KCND2: variants seen among roughly 807,000 people sequenced by gnomAD.
KCND2 encodes the protein potassium voltage-gated channel subfamily D member 2.
In KCND2, 16 loss-of-function variants were observed where a neutral mutation model predicts 54.4. The observed-to-expected ratio is 0.29, with a 90% CI of 0.20 to 0.45. KCND2 has a LOEUF of 0.45. KCND2 is among the 20% of genes least tolerant of loss of function. The pLI is 1.00. For synonymous variants in KCND2, 317 were observed against 310.7 expected (o/e 1.02, Z -0.21); for missense variants, 486 against 824.2 (o/e 0.59, Z 5.02).
chr7:120,635,900 T>A (rs1793298735), intron 1 of KCND2, among the ~76,000 whole-genome samples: 1 of 152,150 alleles, frequency 6.6e-6, no homozygotes, highest in Non-Finnish European at 1.5e-5. Flanking sequence ...TTCAAAACAT[T>A]TAAAACAATG....
chr7:120,540,814 T>TA (rs61191128), intron 1 of KCND2, among the ~76,000 whole-genome samples: 3,424 of 148,226 alleles, frequency 0.023, 128 homozygotes, highest in African/African-American at 0.083. Context: ...TCACTCTCTA[T>TA]AAAAAAAAAT....
chr7:120,621,534 A>G (rs1793098999), intron 1 of KCND2, among the ~76,000 whole-genome samples: 1 of 152,116 alleles, frequency 6.6e-6, no homozygotes, highest in Admixed American at 6.6e-5. Flanking sequence ...ATGGGAGCAA[A>G]ATTAAACAAT....
At position 120,712,241 on chromosome 7, in the gene KCND2, A is replaced by ATTTTTTTTTTTTT. The variant is rs869059871; in HGVS notation, c.1116-20634_1116-20622dup. ...TTTTCTTTGAATTTTGGATATCTGAATTTTTTTTTTTTTTTTTTTTTTTTT... is the reference window on the plus strand; with the variant it reads ...TTTTCTTTGAATTTTGGATATCTGAATTTTTTTTTTTTTTTTTTTTTTTTTTTTTTTTTTTTTT... On this transcript the variant is annotated intron_variant, in intron 1 of 5. Transcript: ENST00000331113. Among the ~76,000 whole-genome samples, 18 of 34,784 alleles carry ATTTTTTTTTTTTT rather than the reference A, an allele frequency of 5.2e-4. 6 individuals carry two copies. The highest frequency in any genetic ancestry group is 8.4e-4 in the Non-Finnish European group (16 of 18,962). The allele number at this position is 34,784 out of a possible 152,430, so 22.8% of individuals were successfully genotyped here. A position where few individuals can be genotyped will look rare whatever the true frequency, so the allele number is the denominator to read the frequency against.
intron 1 of KCND2, among the ~76,000 whole-genome samples, chr7:120,376,401 C>A (rs951805890): frequency 6.6e-6 from 1 of 151,378 alleles, no homozygotes; most frequent in East Asian, 2.0e-4. Context: ...TATTTAAAAA[C>A]CTCAAATATG....
At chr7:120,428,795 CA>C (rs1489378772) in intron 1 of KCND2, among the ~76,000 whole-genome samples, 1 of 152,146 alleles carries the variant, frequency 6.6e-6, no homozygotes, top group Non-Finnish European at 1.5e-5. Flanking sequence ...TATAGATTTT[CA>C]ATCAAAAGAA....
intron 1 of KCND2, among the ~76,000 whole-genome samples, chr7:120,711,616 G>A (rs111382297): frequency 8.4e-4 from 128 of 152,278 alleles, no homozygotes; most frequent in African/African-American, 2.8e-3. Flanking sequence ...ACCCGTTCTT[G>A]TAATTGAAGA....
At chr7:120,278,841 T>TA (rs1160617061) in intron 1 of KCND2, among the ~76,000 whole-genome samples, 6 of 151,720 alleles carry the variant, frequency 4.0e-5, no homozygotes, top group East Asian at 1.9e-4. Flanking sequence ...AAGCACAGTT[T>TA]AAAAAAAATG....
intron 1 of KCND2, among the ~76,000 whole-genome samples, chr7:120,340,579 G>A (rs1377492130): frequency 1.3e-5 from 2 of 152,182 alleles, no homozygotes; most frequent in African/African-American, 2.4e-5. Flanking sequence ...TTAGTGTGGC[G>A]TCATGGAAGC....
At chr7:120,344,444 C>T (rs1800283529) in intron 1 of KCND2, among the ~76,000 whole-genome samples, 1 of 152,130 alleles carries the variant, frequency 6.6e-6, no homozygotes, top group Admixed American at 6.6e-5. Context: ...TATTTAGCCT[C>T]ATATTGCATA....
chr7:120,469,937 G>A (rs1429360931), intron 1 of KCND2, among the ~76,000 whole-genome samples: 1 of 152,062 alleles, frequency 6.6e-6, no homozygotes, highest in Non-Finnish European at 1.5e-5. Context: ...CACTTAGTGT[G>A]TTGTTTCATT....
intron 1 of KCND2, among the ~76,000 whole-genome samples, chr7:120,603,237 A>T (rs1246643462): frequency 6.6e-6 from 1 of 152,204 alleles, no homozygotes; most frequent in Non-Finnish European, 1.5e-5. Flanking sequence ...ATATAGTAGT[A>T]ATAAATGTGG....
chr7:120,738,617 T>G (rs1271427371), intron 2 of KCND2, among the ~76,000 whole-genome samples: 1 of 152,030 alleles, frequency 6.6e-6, no homozygotes, highest in Admixed American at 6.6e-5. Flanking sequence ...TACTGAAACT[T>G]TTCTCCAACT....
At chr7:120,456,866 G>C (rs570504760) in intron 1 of KCND2, among the ~76,000 whole-genome samples, 2 of 152,328 alleles carry the variant, frequency 1.3e-5, no homozygotes, top group South Asian at 4.1e-4. Flanking sequence ...CACTGCCTTA[G>C]CAGAGGTTCT....
Position 120,296,226 on chromosome 7 carries a change from G to A in KCND2, c.1115+20479G>A, listed in dbSNP as rs57962030. ...GTAAAAATTTTAAGTGTTGTATTTC[G>A]GGTTGACATTTCTTCCAACTTTGGA... On this transcript the variant is annotated intron_variant, in intron 1 of 5. Coordinates refer to ENST00000331113, the MANE Select transcript of KCND2 (RefSeq NM_012281.3). Among the ~76,000 whole-genome samples the A allele has an allele frequency of 9.2e-5, 14 of 151,986 alleles. No individual in the cohort carries two copies. The East Asian group carries it at 2.3e-3, about 25-fold the overall frequency.
At chr7:120,321,017 CAG>C (rs748943578) in intron 1 of KCND2, among the ~76,000 whole-genome samples, 4 of 152,104 alleles carry the variant, frequency 2.6e-5, no homozygotes, top group Non-Finnish European at 5.9e-5. Context: ...GAGTGTTTGA[CAG>C]TGCCCAATTC....
intron 1 of KCND2, among the ~76,000 whole-genome samples, chr7:120,402,185 C>T (rs2116083224): frequency 6.6e-6 from 1 of 152,214 alleles, no homozygotes. Flanking sequence ...GTTATAGCTT[C>T]CCATTGGCTC....
chr7:120,655,224 A>G (rs2116551222), intron 1 of KCND2, among the ~76,000 whole-genome samples: 1 of 152,180 alleles, frequency 6.6e-6, no homozygotes, highest in East Asian at 1.9e-4. Flanking sequence ...ATAAACTTCA[A>G]TTACTTTACA....
At chr7:120,280,351 C>G (rs771021173) in intron 1 of KCND2, among the ~76,000 whole-genome samples, 60 of 152,076 alleles carry the variant, frequency 3.9e-4, no homozygotes, top group Non-Finnish European at 8.1e-4. Context: ...GTATGTTAAT[C>G]CAGCCTGTAG....
intron 1 of KCND2, among the ~76,000 whole-genome samples, chr7:120,675,495 C>T (rs1313722925): frequency 3.9e-5 from 6 of 151,990 alleles, no homozygotes; most frequent in Admixed American, 6.6e-5. Context: ...CTGGGCCTCC[C>T]GAAGTGCTGG....
Sources: allele counts gnomAD v4.1 joint callset (sites outside exome capture counted in the v4.1 genomes callset), GRCh38; gene constraint gnomAD v4.1.1; transcripts MANE v1.5; gene names NCBI Gene and HGNC (gene_info 2026-07-23, HGNC 2026-07-21).